CNTN5: variants seen among roughly 807,000 people sequenced by gnomAD.
The protein encoded by CNTN5 is contactin-5.
In CNTN5, 77 loss-of-function variants were observed where a neutral mutation model predicts 129.1. That is an observed-to-expected ratio of 0.60 (90% confidence interval 0.50 to 0.72). The LOEUF (loss-of-function observed/expected upper bound fraction) is 0.72, where lower values mean the gene tolerates loss of function less well. CNTN5 is among the 30% of genes least tolerant of loss of function. The pLI, the probability that CNTN5 is intolerant of heterozygous loss-of-function variation, is 0.00. For missense variants in CNTN5, 1,478 were observed against 1,328.8 expected (o/e 1.11, Z -1.75); for synonymous variants, 509 against 465.6 (o/e 1.09, Z -1.20).
At chr11:99,921,678 CAT>C (rs1391401814) in intron 7 of CNTN5, among the ~76,000 whole-genome samples, 2 of 152,174 alleles carry the variant, frequency 1.3e-5, no homozygotes, top group Non-Finnish European at 2.9e-5. Flanking sequence ...TCTACTAAGA[CAT>C]AAATTCTGCA....
chr11:99,696,994 G>A (rs979554369), intron 3 of CNTN5, among the ~76,000 whole-genome samples: 7 of 151,722 alleles, frequency 4.6e-5, no homozygotes, highest in African/African-American at 1.7e-4. Flanking sequence ...TCTCTTGATG[G>A]GAATGTCAAA....
Position 99,918,470 on chromosome 11 carries a change from C to A in CNTN5, c.673+2321C>A, listed in dbSNP as rs914090143. On this transcript the variant is annotated intron_variant, in intron 7 of 24. Coordinates refer to ENST00000524871, the MANE Select transcript of CNTN5 (RefSeq NM_014361.4). ...TTAAAAACCTATTATTTTTACTATA[C>A]TTTTGTCAAATGTTTTATGTGTCTT... Among the ~76,000 whole-genome samples the A allele has an allele frequency of 2.6e-5, 4 of 152,210 alleles. No homozygotes were observed. In the East Asian group the frequency reaches 7.7e-4, roughly 29 times the overall value.
chr11:99,872,971 T>C (rs942005982), intron 6 of CNTN5, among the ~76,000 whole-genome samples: 1 of 152,164 alleles, frequency 6.6e-6, no homozygotes, highest in Non-Finnish European at 1.5e-5. Flanking sequence ...CATATTTTGG[T>C]AACAGGCTGT....
At chr11:99,852,133 C>G (rs928162788) in intron 6 of CNTN5, among the ~76,000 whole-genome samples, 1 of 152,036 alleles carries the variant, frequency 6.6e-6, no homozygotes, top group Non-Finnish European at 1.5e-5. Flanking sequence ...GTGTTTGTAA[C>G]TTTATCTTCC....
chr11:99,355,588 T>C (rs1938589802), intron 2 of CNTN5, among the ~76,000 whole-genome samples: 1 of 152,144 alleles, frequency 6.6e-6, no homozygotes, highest in Admixed American at 6.5e-5. Flanking sequence ...GGGGTGGTGC[T>C]GTCATCTAGA....
At chr11:99,170,558 T>A (rs1160258741) in intron 1 of CNTN5, among the ~76,000 whole-genome samples, 1 of 152,136 alleles carries the variant, frequency 6.6e-6, no homozygotes, top group African/African-American at 2.4e-5. Context: ...TTCCCAATAG[T>A]AAAAAGGATA....
intron 3 of CNTN5, among the ~76,000 whole-genome samples, chr11:99,763,016 A>G (rs1395587654): frequency 1.3e-5 from 2 of 152,112 alleles, no homozygotes; most frequent in Non-Finnish European, 2.9e-5. Flanking sequence ...GCCCAAATCT[A>G]TGCCAGTGTT....
At chr11:99,732,072 A>G (rs1005968960) in intron 3 of CNTN5, among the ~76,000 whole-genome samples, 2 of 152,228 alleles carry the variant, frequency 1.3e-5, no homozygotes, top group Non-Finnish European at 2.9e-5. Flanking sequence ...GTAGATACAA[A>G]GAAGACAAAT....
rs138910909 is a variant in CNTN5, at chr11:99,669,346, A to G, written c.55+113077A>G. Among the ~76,000 whole-genome samples the G allele has an allele frequency of 9.2e-5, 14 of 152,220 alleles. No homozygotes were observed. In the East Asian group the frequency reaches 1.9e-3, roughly 21 times the overall value. On this transcript the variant is annotated intron_variant, in intron 3 of 24. Coordinates refer to ENST00000524871, the MANE Select transcript of CNTN5 (RefSeq NM_014361.4). ...CCATCTAAATTATTGTAGTCTACTT[A>G]TGCAACTTCGAGTAACCTGGCTATT...
At chr11:99,475,537 A>T (rs1407978188) in intron 2 of CNTN5, among the ~76,000 whole-genome samples, 1 of 152,084 alleles carries the variant, frequency 6.6e-6, no homozygotes, top group Non-Finnish European at 1.5e-5. Flanking sequence ...ACTGTATTAT[A>T]CTTTTGTCCT....
intron 3 of CNTN5, among the ~76,000 whole-genome samples, chr11:99,647,963 C>A (rs779680862): frequency 5.3e-5 from 8 of 151,990 alleles, no homozygotes; most frequent in Middle Eastern, 6.8e-3. Flanking sequence ...TATAAGATCA[C>A]ATGGTCTACA....
chr11:99,602,149 G>T (rs1950331540), intron 3 of CNTN5, among the ~76,000 whole-genome samples: 2 of 151,918 alleles, frequency 1.3e-5, no homozygotes, highest in African/African-American at 2.4e-5. Context: ...TACTGAAGAG[G>T]TGCAGACAAA....
chr11:99,028,620 T>A (rs950403883), intron 1 of CNTN5, among the ~76,000 whole-genome samples: 9 of 151,924 alleles, frequency 5.9e-5, no homozygotes, highest in African/African-American at 2.2e-4. Flanking sequence ...CCACTTTAAA[T>A]GAATGTGATG....
At chr11:100,199,898 C>T (rs1948735531) in intron 15 of CNTN5, among the ~76,000 whole-genome samples, 2 of 151,914 alleles carry the variant, frequency 1.3e-5, no homozygotes, top group African/African-American at 4.8e-5. Context: ...AGCCATTCAG[C>T]TAGCCAATGC....
At chr11:99,963,820 C>T (rs1951018142) in intron 8 of CNTN5, among the ~76,000 whole-genome samples, 1 of 152,034 alleles carries the variant, frequency 6.6e-6, no homozygotes, top group African/African-American at 2.4e-5. Context: ...TGTTTGTATC[C>T]TCTTTTGTTT....
intron 2 of CNTN5, among the ~76,000 whole-genome samples, chr11:99,421,520 C>T (rs1241713510): frequency 6.6e-6 from 1 of 152,142 alleles, no homozygotes; most frequent in Non-Finnish European, 1.5e-5. Context: ...AAACTAATTT[C>T]ATATCAAGAA....
intron 3 of CNTN5, among the ~76,000 whole-genome samples, chr11:99,576,460 C>G (rs1428867447): frequency 6.6e-6 from 1 of 152,120 alleles, no homozygotes; most frequent in Non-Finnish European, 1.5e-5. Flanking sequence ...CTTTTGGTAG[C>G]CTTTCATTGA....
chr11:99,173,354 G>C (rs917711596), intron 1 of CNTN5, among the ~76,000 whole-genome samples: 2 of 152,110 alleles, frequency 1.3e-5, no homozygotes, highest in African/African-American at 4.8e-5. Flanking sequence ...CAAAATGCTA[G>C]CTAGAACCAA....
chr11:100,144,908 C>A (rs935752613), intron 13 of CNTN5, among the ~76,000 whole-genome samples: 1 of 150,058 alleles, frequency 6.7e-6, no homozygotes, highest in African/African-American at 2.4e-5. Context: ...TCTTTCATTT[C>A]TCTATCATCT....
Sources: allele counts gnomAD v4.1 joint callset (sites outside exome capture counted in the v4.1 genomes callset), GRCh38; gene constraint gnomAD v4.1.1; transcripts MANE v1.5; gene names NCBI Gene and HGNC (gene_info 2026-07-23, HGNC 2026-07-21).